Variants in CDC42BPB observed in about 807,000 individuals in gnomAD.
CDC42BPB encodes the protein CDC42 binding protein kinase beta, also known as serine/threonine-protein kinase MRCK beta.
CDC42BPB carries 37 observed loss-of-function variants against 214.9 expected under a neutral mutation model. That is an observed-to-expected ratio of 0.17 (90% CI 0.13 to 0.23). The LOEUF (loss-of-function observed/expected upper bound fraction) is 0.23, where lower values mean the gene tolerates loss of function less well. Ranked by LOEUF, CDC42BPB falls within the 10% of genes least tolerant of loss-of-function variation. The probability of loss-of-function intolerance (pLI) is 1.00; values close to 1 mark genes in which losing one functional copy is unlikely to be tolerated. For synonymous variants in CDC42BPB, 931 were observed against 884.0 expected (o/e 1.05, Z -0.94); for missense variants, 1,694 against 2,227.0 (o/e 0.76, Z 4.82).
intron 21 of CDC42BPB, 103 bp from the exon 22 acceptor site, chr14:102,954,791 C>T: frequency 6.7e-7 from 1 of 1,487,008 alleles, no homozygotes; most frequent in Non-Finnish European, 9.0e-7. Context: ...TCTGTCTAGC[C>T]CAGAAGTCCC....
chr14:103,049,036 T>A (rs1315966328), intron 1 of CDC42BPB, among the ~76,000 whole-genome samples: 1 of 152,144 alleles, frequency 6.6e-6, no homozygotes, highest in Non-Finnish European at 1.5e-5. Flanking sequence ...GAATTACCAA[T>A]TTAAACAAAA....
At chr14:102,962,104 C>T (rs909637673) in intron 20 of CDC42BPB, among the ~76,000 whole-genome samples, 3 of 152,194 alleles carry the variant, frequency 2.0e-5, no homozygotes, top group Admixed American at 6.5e-5. Context: ...TAAACCTCTA[C>T]GGAGATGCTA....
chr14:102,999,474 G>T, intron 5 of CDC42BPB, 91 bp downstream of exon 5: 1 of 1,332,412 alleles, frequency 7.5e-7, no homozygotes, highest in Non-Finnish European at 1.1e-6. Context: ...TACCTACATG[G>T]CTTCTTGGGA....
intron 27 of CDC42BPB, among the ~76,000 whole-genome samples, chr14:102,947,499 A>G (rs1164861881): frequency 6.6e-6 from 1 of 152,072 alleles, no homozygotes; most frequent in Non-Finnish European, 1.5e-5. Flanking sequence ...AGGGTCAGTG[A>G]AGAGGGGTGT....
intron 1 of CDC42BPB, among the ~76,000 whole-genome samples, chr14:103,028,235 TG>T (rs1887159694): frequency 3.3e-5 from 5 of 152,224 alleles, no homozygotes; most frequent in Admixed American, 1.3e-4. Context: ...AGAGACTACT[TG>T]GGTGCACGAT....
chr14:103,013,157 C>T (rs1464567830), intron 1 of CDC42BPB, among the ~76,000 whole-genome samples: 1 of 152,208 alleles, frequency 6.6e-6, no homozygotes, highest in Non-Finnish European at 1.5e-5. Context: ...GTGCCCAAAG[C>T]CCACGTACAG....
At chr14:102,982,657 GCTA>G (rs1205136726) in intron 7 of CDC42BPB, among the ~76,000 whole-genome samples, 1 of 152,152 alleles carries the variant, frequency 6.6e-6, no homozygotes, top group African/African-American at 2.4e-5. Context: ...TATAATCCCA[GCTA>G]CTCAGGAAAC....
At chr14:103,028,938 C>A (rs1887195949) in intron 1 of CDC42BPB, among the ~76,000 whole-genome samples, 1 of 152,094 alleles carries the variant, frequency 6.6e-6, no homozygotes, top group Non-Finnish European at 1.5e-5. Flanking sequence ...TTGCTGAAAC[C>A]TTCTGCATAT....
In CDC42BPB at chr14:102,975,650, T is replaced by C. The variant is rs750513063; in HGVS notation, c.1507+34A>G. 1.8e-5 allele frequency: 29 copies of C among 1,607,068 alleles called. No individual in the cohort carries two copies. In the Admixed American group the frequency reaches 2.2e-4, roughly 12 times the overall value. Reference sequence around the variant, plus strand: ...CTTTTAAGACAGTAATGACCAAAAATAGAGACTAAGAAGTCACACTTTTAA... The same window carrying C: ...CTTTTAAGACAGTAATGACCAAAAACAGAGACTAAGAAGTCACACTTTTAA... On this transcript the variant is annotated intron_variant, in intron 11 of 36. Coordinates refer to ENST00000361246, the MANE Select transcript of CDC42BPB (RefSeq NM_006035.4).
chr14:103,044,966 G>A (rs897926942), intron 1 of CDC42BPB, among the ~76,000 whole-genome samples: 2 of 151,364 alleles, frequency 1.3e-5, no homozygotes, highest in Admixed American at 6.6e-5. Flanking sequence ...TTGGGAGGCC[G>A]AGGCAAGAGG....
intron 18 of CDC42BPB, 73 bp downstream of exon 18, chr14:102,966,209 T>C (rs1893193903): frequency 8.8e-7 from 1 of 1,135,184 alleles, no homozygotes; most frequent in Non-Finnish European, 1.3e-6. Flanking sequence ...ATAGTACTTA[T>C]ATGTCACATT....
Position 103,004,810 on chromosome 14 carries a change from G to A in CDC42BPB, c.352-787C>T, listed in dbSNP as rs544339485. On this transcript the variant is annotated intron_variant, in intron 3 of 36. Transcript: ENST00000361246. The surrounding 1 kb of genome is among the most constrained non-coding windows in gnomAD (Gnocchi z 5.3). ...CTTGAGCCCAGGAAGCGGAGGTTGC[G>A]GTGAGCCAAAATTGCATCACCGTAC... Among the ~76,000 whole-genome samples the A allele has an allele frequency of 4.0e-5, 6 of 151,624 alleles. No homozygotes were observed. The highest frequency in any genetic ancestry group is 7.3e-5 in the African/African-American group (3 of 41,332).
chr14:102,938,557 TTCTGGACAG>T, intron 34 of CDC42BPB, 146 bp from the exon 35 acceptor site: 1 of 1,416,352 alleles, frequency 7.1e-7, no homozygotes, highest in East Asian at 2.6e-5. Context: ...TGGACAAGGG[TTCTGGACAG>T]TCTGGAACTA....
chr14:103,036,106 A>G (rs1427251450), intron 1 of CDC42BPB, among the ~76,000 whole-genome samples: 1 of 151,948 alleles, frequency 6.6e-6, no homozygotes, highest in Non-Finnish European at 1.5e-5. Flanking sequence ...AGCCATGATC[A>G]TGCCACTGTA....
At chr14:102,988,215 T>C (rs1415029636) in intron 5 of CDC42BPB, among the ~76,000 whole-genome samples, 1 of 151,150 alleles carries the variant, frequency 6.6e-6, no homozygotes, top group East Asian at 1.9e-4. Context: ...GGAAACGCAG[T>C]CAGATAGGAA....
intron 1 of CDC42BPB, among the ~76,000 whole-genome samples, chr14:103,044,729 T>C (rs1405743525): frequency 6.6e-6 from 1 of 151,546 alleles, no homozygotes; most frequent in East Asian, 2.0e-4. Context: ...GAAGCTGGTC[T>C]TGAACTCCTG....
intron 7 of CDC42BPB, among the ~76,000 whole-genome samples, chr14:102,982,671 T>C (rs999863984): frequency 1.3e-5 from 2 of 152,102 alleles, no homozygotes; most frequent in African/African-American, 4.8e-5. Context: ...CTCAGGAAAC[T>C]GAGGCAGGAG....
rs1885984558 is a variant in CDC42BPB at position 103,008,720 on chromosome 14, C to A, written c.268-165G>T. 3 of 984,498 alleles carry A rather than the reference C, an allele frequency of 3.0e-6. No homozygotes were observed. In the African/African-American group the frequency reaches 5.2e-5, roughly 17 times the overall value. The allele number at this position is 984,498 out of a possible 1,614,324, so 61.0% of individuals were successfully genotyped here. ...CATGTGCCAGTTCCTGCATCAAGAA[C>A]CTTTTCTTCACAGAGAAAGGGACCG... On this transcript the variant is annotated intron_variant, in intron 2 of 36. Transcript: ENST00000361246.
At chr14:103,014,106 C>G (rs1886319686) in intron 1 of CDC42BPB, among the ~76,000 whole-genome samples, 1 of 146,826 alleles carries the variant, frequency 6.8e-6, no homozygotes, top group Non-Finnish European at 1.5e-5. Context: ...GTGGAGCTTG[C>G]AGTAAGCCGA....
Sources: allele counts gnomAD v4.1 joint callset (sites outside exome capture counted in the v4.1 genomes callset), GRCh38; gene constraint gnomAD v4.1.1; non-coding constraint Gnocchi (gnomAD v3.1); transcripts MANE v1.5; gene names NCBI Gene and HGNC (gene_info 2026-07-23, HGNC 2026-07-21).